The following FANCA variants were observed in gnomAD, a reference collection of about 807,000 sequenced individuals.
The protein encoded by FANCA is Fanconi anemia group A protein.
FANCA carries 236 observed loss-of-function variants against 194.3 expected under a neutral mutation model. That is an observed-to-expected ratio of 1.21 (90% confidence interval 1.09 to 1.35). The LOEUF is 1.35. Among genes scored for constraint, FANCA ranks in the 40% most tolerant of loss-of-function variants. The pLI, the probability that FANCA is intolerant of heterozygous loss-of-function variation, is 0.00. For synonymous variants in FANCA, 1,014 were observed against 715.8 expected, an observed-to-expected ratio of 1.42 and a Z score of -6.65; for missense variants, 2,628 against 1,813.9, an observed-to-expected ratio of 1.45 and a Z score of -8.15.
intron 29 of FANCA, among the ~76,000 whole-genome samples, chr16:89,760,195 C>T (rs2038905410): frequency 6.6e-6 from 1 of 152,260 alleles, no homozygotes. Context: ...CTGACCTCCT[C>T]CTTAGACTCC....
Position 89,739,188 on chromosome 16 carries a change from C to G in FANCA, c.4112G>C (p.Gly1371Ala), listed in dbSNP as rs1184324290. ...YLKLVQLFVA[G>A]DTSTVSPPAG... The stretch of plus-strand genomic sequence containing the variant: ...TGGAGGTGAAACTGTGCTTGTATCC[C>G]CAGCCACGAAGAGCTGGACCAGCTT... Residue 1371 changes from glycine to alanine, a missense_variant, in exon 41 of 43, where the codon GGG (glycine) becomes GCG (alanine). By Grantham distance (60) the Gly-to-Ala change is moderately conservative. Transcript: ENST00000389301. 6.2e-7 allele frequency: 1 copy of G among 1,614,150 alleles called. No homozygotes were observed. The highest frequency in any genetic ancestry group is 1.3e-5 in the African/African-American group (1 of 75,054).
intron 30 of FANCA, among the ~76,000 whole-genome samples, chr16:89,755,567 G>A (rs976183503): frequency 2.6e-5 from 4 of 152,128 alleles, no homozygotes; most frequent in Non-Finnish European, 5.9e-5. Context: ...AAAAATAAAT[G>A]ATCTGGACTT....
chr16:89,816,417 C>A (rs1389369960), intron 1 of FANCA, 120 bp downstream of exon 1: 1 of 914,788 alleles, frequency 1.1e-6, no homozygotes, highest in Non-Finnish European at 1.5e-6. Flanking sequence ...CGCACAGCCC[C>A]CCGGGCGCGG....
At chr16:89,784,758 G>A (rs748711392) in intron 15 of FANCA, 96 bp downstream of exon 15, 1 of 907,570 alleles carries the variant, frequency 1.1e-6, no homozygotes, top group Non-Finnish European at 1.9e-6. Flanking sequence ...GCTCAGAGCA[G>A]ATCTGCAGGA....
Position 89,814,550 on chromosome 16 carries a change from C to T in FANCA, c.253G>A (p.Ala85Thr), listed in dbSNP as rs2143711037. 6.2e-7 allele frequency: 1 copy of T among 1,613,656 alleles called. No homozygotes were observed. The highest frequency in any genetic ancestry group is 8.5e-7 in the Non-Finnish European group (1 of 1,179,594). ...SKVIDCDSSEAYANHSSSFIG... is the reference protein window; with the variant it reads ...SKVIDCDSSETYANHSSSFIG... ...AATGAACTAGAATGATTAGCATAGG[C>T]CTCAGAACTGTCACAGTCAATCACT... Residue 85 changes from alanine (A) to threonine (T), a missense_variant, in exon 3 of 43, where the codon GCC becomes ACC. Transcript: ENST00000389301.
rs1397865972 is a variant in FANCA, at chr16:89,798,861, G to A, written c.893+305C>T. On this transcript the variant is annotated intron_variant, in intron 10 of 42. Transcript: ENST00000389301. ...ACACCCAGGGAAGGAGGAGCAAGGGGAGACTCCACACAGGAGGAGGTCACA... is the reference window on the plus strand; with the variant it reads ...ACACCCAGGGAAGGAGGAGCAAGGGAAGACTCCACACAGGAGGAGGTCACA... 6 of 1,539,342 alleles carry A rather than the reference G, an allele frequency of 3.9e-6. No homozygotes were observed. The African/African-American group carries it at 6.8e-5, about 17-fold the overall frequency.
chr16:89,751,594 G>C, intron 31 of FANCA, among the ~76,000 whole-genome samples: 1 of 152,124 alleles, frequency 6.6e-6, no homozygotes, highest in Non-Finnish European at 1.5e-5. Flanking sequence ...AGCTGGCGGA[G>C]GGAGAGACAG....
At chr16:89,790,299 C>G (rs2040025138) in intron 14 of FANCA, among the ~76,000 whole-genome samples, 1 of 151,860 alleles carries the variant, frequency 6.6e-6, no homozygotes. Flanking sequence ...GAGGCGGAGG[C>G]AGGAGAATTG....
At position 89,815,973 on chromosome 16, in the gene FANCA, C is replaced by A. The variant is rs759630319; in HGVS notation, c.93G>T (p.Lys31Asn). ...AWAELLAGRVKREKYNPERAQ... is the reference protein window; with the variant it reads ...AWAELLAGRVNREKYNPERAQ... ...CCCTTTCAGGATTATATTTTTCCCT[C>A]TTGACCCTTCCCGCTACGGAGAGAA... is the stretch of plus-strand genomic sequence containing the variant. The change falls in exon 2 of 43, where the codon AAG becomes AAT. Residue 31 changes from lysine to asparagine, a missense_variant. Coordinates refer to ENST00000389301, the MANE Select transcript of FANCA (RefSeq NM_000135.4). 1 of 1,613,650 alleles carries A rather than the reference C, an allele frequency of 6.2e-7. No homozygotes were observed. The highest frequency in any genetic ancestry group is 1.1e-5 in the South Asian group (1 of 91,082).
intron 17 of FANCA, 32 bp downstream of exon 17, chr16:89,782,827 G>C: frequency 6.3e-7 from 1 of 1,594,610 alleles, no homozygotes; most frequent in Non-Finnish European, 8.6e-7. Flanking sequence ...GGCGTGACTG[G>C]CTGAGACCCT....
chr16:89,780,386 C>T (rs1368161925), intron 17 of FANCA, among the ~76,000 whole-genome samples: 1 of 152,162 alleles, frequency 6.6e-6, no homozygotes, highest in African/African-American at 2.4e-5. Context: ...CTTTGAGAGG[C>T]TAAGCGGGGC....
At chr16:89,779,137 G>C (rs918208158) in intron 18 of FANCA, 134 bp from the exon 19 acceptor site, 16 of 840,672 alleles carry the variant, frequency 1.9e-5, no homozygotes, top group Non-Finnish European at 2.9e-5. Flanking sequence ...AAGTCTTCTT[G>C]TGCACAGTTC....
At chr16:89,816,506 C>A (rs1487865031) in intron 1 of FANCA, 31 bp downstream of exon 1, 11 of 1,472,150 alleles carry the variant, frequency 7.5e-6, no homozygotes, top group Non-Finnish European at 9.8e-6. Flanking sequence ...CCGGACGCCG[C>A]CCACTCCCGC....
At chr16:89,798,911 G>A in intron 10 of FANCA, 1 of 1,597,260 alleles carries the variant, frequency 6.3e-7, no homozygotes, top group Non-Finnish European at 8.5e-7. Context: ...CATTGGTGCA[G>A]GACTTCCAGA....
intron 33 of FANCA, among the ~76,000 whole-genome samples, 153 bp downstream of exon 33, chr16:89,748,506 C>T (rs1010917757): frequency 5.9e-5 from 9 of 152,234 alleles, no homozygotes; most frequent in South Asian, 2.1e-4. Context: ...GGGGTCCTCC[C>T]TCACATGGCA....
chr16:89,784,815 A>C, intron 15 of FANCA, 39 bp downstream of exon 15: 1 of 1,498,986 alleles, frequency 6.7e-7, no homozygotes, highest in Non-Finnish European at 9.3e-7. Flanking sequence ...CAGGTGAGCG[A>C]AGCACCAGAA....
rs1446286697 is a variant in FANCA, at chr16:89,799,622, A to G, written c.809T>C (p.Leu270Pro). The G allele has an allele frequency of 1.4e-5, 23 of 1,613,790 alleles. No homozygotes were observed. Among genetic ancestry groups the G allele is most frequent in the Non-Finnish European group, 1.9e-5 (23 of 1,179,640 alleles). The change falls in exon 9 of 43, where the codon CTG becomes CCG. Residue 270 changes from leucine to proline, a missense_variant. Coordinates refer to ENST00000389301, the MANE Select transcript of FANCA (RefSeq NM_000135.4). ...TAACTTACAAATCAGCATTCTCTGC[A>G]GTACATCAACCGTGACCTGTCAAAA... ...EKMPQVTVDV[L>P]QRMLIFALDA... is the part of the protein sequence containing the mutation.
intron 22 of FANCA, 93 bp from the exon 23 acceptor site, chr16:89,771,907 T>G (rs1339360214): frequency 8.4e-6 from 12 of 1,435,994 alleles, no homozygotes; most frequent in Non-Finnish European, 7.8e-6. Flanking sequence ...TCAAGTACGA[T>G]TCCACGGATC....
intron 26 of FANCA, 139 bp from the exon 27 acceptor site, chr16:89,767,376 T>C (rs1205329109): frequency 1.1e-5 from 8 of 700,550 alleles, no homozygotes; most frequent in Middle Eastern, 3.8e-4. Flanking sequence ...CGTTTTTTGG[T>C]TCGTTTGTTG....
Sources: allele counts gnomAD v4.1 joint callset (sites outside exome capture counted in the v4.1 genomes callset), GRCh38; gene constraint gnomAD v4.1.1; transcripts MANE v1.5; gene names NCBI Gene and HGNC (gene_info 2026-07-23, HGNC 2026-07-21).